ABCB11: variants seen among roughly 807,000 people sequenced by gnomAD.
ABCB11 encodes ATP binding cassette subfamily B member 11.
ABCB11 carries 95 observed loss-of-function variants against 148.0 expected under a neutral mutation model. The observed-to-expected ratio is 0.64, with a 90% CI of 0.54 to 0.76. The LOEUF (loss-of-function observed/expected upper bound fraction) is 0.76, where lower values mean the gene tolerates loss of function less well. Among genes scored for constraint, ABCB11 ranks in the 30% least tolerant of loss-of-function variants. ABCB11 has a pLI of 0.00. For missense variants in ABCB11, 1,523 were observed against 1,617.8 expected (o/e 0.94, Z 1.01); for synonymous variants, 591 against 555.4 (o/e 1.06, Z -0.90).
chr2:169,025,776 C>T (rs1160834931), intron 1 of ABCB11, among the ~76,000 whole-genome samples: 3 of 152,166 alleles, frequency 2.0e-5, no homozygotes, highest in African/African-American at 7.2e-5. Flanking sequence ...TTGTCAATGC[C>T]CCTCAGTCAG....
intron 18 of ABCB11, 65 bp downstream of exon 18, chr2:168,964,141 A>G (rs537154905): frequency 5.5e-5 from 67 of 1,226,430 alleles, no homozygotes; most frequent in Non-Finnish European, 7.6e-5. Context: ...TCAGGCTTAA[A>G]GGGTACCCAA....
At chr2:169,015,977 C>T (rs141527783) in intron 3 of ABCB11, among the ~76,000 whole-genome samples, 18 of 152,270 alleles carry the variant, frequency 1.2e-4, no homozygotes, top group East Asian at 5.8e-4. Context: ...CATTTCTCTG[C>T]GGATTGCTCC....
In ABCB11 at chr2:168,970,132, G is replaced by C. The variant is rs1279160937; in HGVS notation, c.1722C>G (p.Ile574Met). Reference sequence around the variant, plus strand: ...CCAAAAGCAGAATCTTGGGATTTCGGATGAGGGCTCTGGCGATAGCTACCC... The same window carrying C: ...CCAAAAGCAGAATCTTGGGATTTCGCATGAGGGCTCTGGCGATAGCTACCC... Reference protein sequence around the residue: ...KQRVAIARALIRNPKILLLDM... With the variant: ...KQRVAIARALMRNPKILLLDM... Residue 574 changes from isoleucine (I) to methionine (M), a missense_variant, in exon 15 of 28, where the codon ATC becomes ATG. Coordinates refer to ENST00000650372, the MANE Select transcript of ABCB11 (RefSeq NM_003742.4). 1.2e-6 allele frequency: 2 copies of C among 1,612,904 alleles called. No individual in the cohort carries two copies. The highest frequency in any genetic ancestry group is 2.7e-5 in the African/African-American group (2 of 74,838).
rs759292690 is a variant in ABCB11, at chr2:168,927,335, C to T, written c.3439G>A (p.Val1147Ile). ...TTTGAGCGGAGGAACTGGACATTTA[C>T]TTTTTTGCTGTCATGACCATCTATC... is the stretch of plus-strand genomic sequence containing the variant. ...VMIDGHDSKK[V>I]NVQFLRSNIG... Residue 1147 changes from valine (V) to isoleucine (I), a missense_variant, in exon 26 of 28, where the codon GTA (valine) becomes ATA (isoleucine). By Grantham distance (29) the Val-to-Ile change is conservative. Transcript: ENST00000650372. 2.5e-6 allele frequency: 4 copies of T among 1,613,688 alleles called. No homozygotes were observed. The South Asian group carries it at 4.4e-5, about 18-fold the overall frequency.
At position 168,979,912 on chromosome 2, in the gene ABCB11, G is replaced by T. The variant is rs1246310971; in HGVS notation, c.1151C>A (p.Ala384Glu). Reference protein sequence around the residue: ...GNASPCLEAFATGRAAATSIF... With the variant: ...GNASPCLEAFETGRAAATSIF... The stretch of plus-strand genomic sequence containing the variant: ...GCTGGTGGCTGCTGCACGTCCAGTT[G>T]CAAAGGCTTCCAAACAAGGAGAGGC... The change falls in exon 11 of 28, where the codon GCA becomes GAA. Residue 384 changes from alanine to glutamate, a missense_variant. Transcript: ENST00000650372. 8.1e-6 allele frequency: 13 copies of T among 1,596,004 alleles called. No individual in the cohort carries two copies. The highest frequency in any genetic ancestry group is 1.1e-5 in the Non-Finnish European group (13 of 1,168,344).
At position 168,944,923 on chromosome 2, in the gene ABCB11, C is replaced by A; in HGVS notation, c.2382G>T (p.Gln794His). 1 of 1,570,390 alleles carries A rather than the reference C, an allele frequency of 6.4e-7. No individual in the cohort carries two copies. Among genetic ancestry groups the A allele is most frequent in the Admixed American group, 1.8e-5 (1 of 54,090 alleles). The change falls in exon 20 of 28, where the codon CAG (glutamine) becomes CAT (histidine). Residue 794 changes from glutamine to histidine, a missense_variant. Gln to His is a conservative substitution (Grantham distance 24). Coordinates refer to ENST00000650372, the MANE Select transcript of ABCB11 (RefSeq NM_003742.4). ...SIPDKEEQRSQINGVCLLFVA... is the reference protein window; with the variant it reads ...SIPDKEEQRSHINGVCLLFVA... ...CAAAAAGTAGGCACACACCATTGAT[C>A]TGTGACCTTTGTTCCTCTTTATCAG...
Position 168,973,750 on chromosome 2 carries a change from G to T in ABCB11, c.1399C>A (p.Leu467Ile), listed in dbSNP as rs1365794035. ...CAGGGGTCATAGAATCGCTGAATGA[G>T]TTGCAGTGCTGTACTTTTTCCAGCT... is the stretch of plus-strand genomic sequence containing the variant. Reference protein sequence around the residue: ...SGAGKSTALQLIQRFYDPCEG... With the variant: ...SGAGKSTALQIIQRFYDPCEG... Residue 467 changes from leucine to isoleucine, a missense_variant, in exon 13 of 28, where the codon CTC (leucine) becomes ATC (isoleucine). Physicochemically the swap from Leu to Ile is conservative, Grantham distance 5. Coordinates refer to ENST00000650372, the MANE Select transcript of ABCB11 (RefSeq NM_003742.4). The T allele has an allele frequency of 1.2e-6, 2 of 1,612,228 alleles. No individual in the cohort carries two copies.
chr2:168,923,635 G>T lies in ABCB11; in HGVS notation c.3953C>A (p.Ser1318Tyr), dbSNP rs755810059. 1.2e-6 allele frequency: 2 copies of T among 1,613,740 alleles called. No homozygotes were observed. The highest frequency in any genetic ancestry group is 1.7e-6 in the Non-Finnish European group (2 of 1,179,838). Residue 1318 changes from serine to tyrosine, a missense_variant, in exon 28 of 28, where the codon TCC (serine) becomes TAC (tyrosine). Transcript: ENST00000650372. ...GAYYKLVTTGSPIS is the reference protein window; with the variant it reads ...GAYYKLVTTGYPIS ...TCTTGCATTGGGTCAACTGATGGGG[G>T]ATCCAGTGGTGACTAGTTTGTAGTA...
intron 5 of ABCB11, among the ~76,000 whole-genome samples, chr2:169,010,585 CTG>C (rs1187804629): frequency 6.6e-6 from 1 of 152,120 alleles, no homozygotes; most frequent in Admixed American, 6.6e-5. Flanking sequence ...AAAGGAGAAA[CTG>C]TACTTTTAAT....
intron 22 of ABCB11, among the ~76,000 whole-genome samples, chr2:168,936,009 A>C (rs1023307394): frequency 6.6e-6 from 1 of 152,120 alleles, no homozygotes; most frequent in Non-Finnish European, 1.5e-5. Flanking sequence ...TCCTGTGTTC[A>C]CTCCGCTATT....
chr2:169,028,764 G>A (rs1026304323), intron 1 of ABCB11, among the ~76,000 whole-genome samples: 1 of 152,164 alleles, frequency 6.6e-6, no homozygotes, highest in Non-Finnish European at 1.5e-5. Context: ...CACCCACAGA[G>A]GTTAGGAAAT....
intron 5 of ABCB11, among the ~76,000 whole-genome samples, chr2:169,003,561 A>G (rs1050751463): frequency 6.6e-5 from 10 of 151,994 alleles, no homozygotes; most frequent in Non-Finnish European, 1.2e-4. Context: ...ATATACAAGT[A>G]TCTTTTTTGT....
At chr2:169,000,168 C>T (rs1193222729) in intron 5 of ABCB11, among the ~76,000 whole-genome samples, 1 of 152,056 alleles carries the variant, frequency 6.6e-6, no homozygotes, top group East Asian at 1.9e-4. Flanking sequence ...GTTATTTTAA[C>T]ACTGAGTTTT....
chr2:168,948,963 A>G (rs1028627532), intron 19 of ABCB11, among the ~76,000 whole-genome samples: 1 of 151,612 alleles, frequency 6.6e-6, no homozygotes, highest in African/African-American at 2.4e-5. Flanking sequence ...AGAGAAAGAA[A>G]TGGAGTAGGG....
intron 19 of ABCB11, among the ~76,000 whole-genome samples, chr2:168,946,825 T>C (rs1692345155): frequency 6.6e-6 from 1 of 151,670 alleles, no homozygotes; most frequent in Non-Finnish European, 1.5e-5. Flanking sequence ...GGTGCAGTGG[T>C]TTTCTATTGG....
Position 168,936,330 on chromosome 2 carries a change from A to G in ABCB11, c.2714T>C (p.Leu905Ser). ...TAAAGCCAAGAAGGGGAAGAAGCACAAGATGACCAGGCTCAGCTTCCAGCT... is the reference window on the plus strand; with the variant it reads ...TAAAGCCAAGAAGGGGAAGAAGCACGAGATGACCAGGCTCAGCTTCCAGCT... ...SFSWKLSLVI[L>S]CFFPFLALSG... Residue 905 changes from leucine (L) to serine (S), a missense_variant, in exon 22 of 28, where the codon TTG (leucine) becomes TCG (serine). By Grantham distance (145) the Leu-to-Ser change is moderately radical (BLOSUM62 -2). Transcript: ENST00000650372. The G allele has an allele frequency of 6.2e-7, 1 of 1,613,994 alleles. No homozygotes were observed. Among genetic ancestry groups the G allele is most frequent in the Middle Eastern group, 1.6e-4 (1 of 6,062 alleles).
chr2:169,009,592 G>C (rs188671771), intron 5 of ABCB11, among the ~76,000 whole-genome samples: 20 of 107,636 alleles, frequency 1.9e-4, no homozygotes, highest in African/African-American at 4.0e-4. Flanking sequence ...GTGGGGGGAG[G>C]GGGGAGGGAT....
chr2:168,920,453 AT>A (rs1691040513), downstream of ABCB11, among the ~76,000 whole-genome samples: 1 of 151,578 alleles, frequency 6.6e-6, no homozygotes, highest in South Asian at 2.1e-4. Context: ...GTTACCCTCA[AT>A]TTTTTCTTTT....
intron 14 of ABCB11, 121 bp from the exon 15 acceptor site, chr2:168,970,336 C>G: frequency 6.5e-7 from 1 of 1,540,692 alleles, no homozygotes; most frequent in Non-Finnish European, 8.7e-7. Flanking sequence ...ACTGCTCCGA[C>G]TTCCACTGAA....
Sources: gnomAD v4.1 joint callset for allele counts (sites outside exome capture counted in the v4.1 genomes callset) on GRCh38, gnomAD v4.1.1 for gene constraint, MANE v1.5 for transcripts, NCBI Gene and HGNC (gene_info 2026-07-23, HGNC 2026-07-21) for gene names.